The following QKI variants were observed in gnomAD, a reference collection of about 807,000 sequenced individuals.
QKI encodes QKI, KH domain containing RNA binding, also known as KH domain-containing RNA-binding protein QKI.
QKI carries 10 observed loss-of-function variants against 39.0 expected under a neutral mutation model. The ratio of observed to expected loss-of-function variants is 0.26; its 90% CI spans 0.16 to 0.43. The LOEUF (loss-of-function observed/expected upper bound fraction) is 0.43, where lower values mean the gene tolerates loss of function less well. Ranked by LOEUF, QKI falls within the 20% of genes least tolerant of loss-of-function variation. The probability of loss-of-function intolerance (pLI) is 1.00; values close to 1 mark genes in which losing one functional copy is unlikely to be tolerated. For missense variants in QKI, 218 were observed against 428.0 expected (o/e 0.51, Z 4.33); for synonymous variants, 204 against 155.4 (o/e 1.31, Z -2.33).
chr6:163,520,813 C>T (rs1007095491), intron 3 of QKI, among the ~76,000 whole-genome samples: 1 of 152,126 alleles, frequency 6.6e-6, no homozygotes, highest in Non-Finnish European at 1.5e-5. Context: ...TTAACTATCA[C>T]TTTTTATAGT....
chr6:163,493,731 T>A (rs942768044), intron 3 of QKI, among the ~76,000 whole-genome samples: 2 of 152,148 alleles, frequency 1.3e-5, no homozygotes, highest in South Asian at 4.1e-4. Flanking sequence ...AATTGGTTGG[T>A]TGAAAATGCA....
chr6:163,469,512 CAA>C (rs1355372008), intron 2 of QKI, among the ~76,000 whole-genome samples: 2 of 152,130 alleles, frequency 1.3e-5, no homozygotes, highest in African/African-American at 4.8e-5. Flanking sequence ...GCCAAGGTAA[CAA>C]ATATAGTAGA....
intron 3 of QKI, among the ~76,000 whole-genome samples, chr6:163,506,818 AATACT>A (rs2128233692): frequency 6.6e-6 from 1 of 152,304 alleles, no homozygotes; most frequent in South Asian, 2.1e-4. Flanking sequence ...TGAATTTATT[AATACT>A]ATTTTCATAC....
chr6:163,528,251 T>C (rs1014675713), intron 3 of QKI, among the ~76,000 whole-genome samples: 1 of 152,190 alleles, frequency 6.6e-6, no homozygotes. Context: ...CAAGATGTGC[T>C]TAGAATTCTA....
chr6:163,525,428 G>C (rs537229499), intron 3 of QKI, among the ~76,000 whole-genome samples: 1 of 151,536 alleles, frequency 6.6e-6, no homozygotes, highest in African/African-American at 2.4e-5. Context: ...GCACAGTCTT[G>C]CCTCACTGCA....
chr6:163,500,962 CACCCACATGTAGCTTCTGATAGAA>C (rs1242194530), intron 3 of QKI, among the ~76,000 whole-genome samples: 3 of 152,102 alleles, frequency 2.0e-5, no homozygotes, highest in Admixed American at 1.3e-4. Flanking sequence ...TCCATAGTAA[CACCCACATGTAGCTTCTGATAGAA>C]ACCCACAAAA....
At chr6:163,437,465 AAG>A (rs1205228682) in intron 1 of QKI, among the ~76,000 whole-genome samples, 1 of 152,204 alleles carries the variant, frequency 6.6e-6, no homozygotes, top group Non-Finnish European at 1.5e-5. Flanking sequence ...ACTTTTTAAA[AAG>A]AGTTTTTCTT....
chr6:163,437,455 A>C (rs566541449), intron 1 of QKI, among the ~76,000 whole-genome samples: 1 of 152,262 alleles, frequency 6.6e-6, no homozygotes, highest in South Asian at 2.1e-4. Flanking sequence ...GTGGTGATTT[A>C]CTTTTTAAAA....
intron 3 of QKI, among the ~76,000 whole-genome samples, chr6:163,524,856 A>C (rs953141783): frequency 5.9e-5 from 9 of 152,170 alleles, no homozygotes; most frequent in Non-Finnish European, 1.3e-4. Context: ...AGAGCTCTTA[A>C]ATGACGGGTA....
chr6:163,516,708 A>G (rs1256212825), intron 3 of QKI, among the ~76,000 whole-genome samples: 1 of 152,114 alleles, frequency 6.6e-6, no homozygotes, highest in African/African-American at 2.4e-5. Flanking sequence ...ACTATTTTCC[A>G]TATTTATTGG....
chr6:163,428,297 G>C (rs1042529034), intron 1 of QKI, among the ~76,000 whole-genome samples: 16 of 152,176 alleles, frequency 1.1e-4, no homozygotes, highest in African/African-American at 3.6e-4. Context: ...TTCTGAAATA[G>C]TTTCTGCCTT....
chr6:163,449,605 T>G (rs1207575022), intron 1 of QKI, among the ~76,000 whole-genome samples: 1 of 152,226 alleles, frequency 6.6e-6, no homozygotes, highest in Non-Finnish European at 1.5e-5. Flanking sequence ...AAGTAATTCT[T>G]TGGTGCATTT....
At chr6:163,451,039 T>TA (rs1344801221) in intron 1 of QKI, among the ~76,000 whole-genome samples, 1 of 152,178 alleles carries the variant, frequency 6.6e-6, no homozygotes, top group African/African-American at 2.4e-5. Flanking sequence ...TATTCATCCT[T>TA]AAAGAATAAA....
chr6:163,570,902 TTTTTTTTTTC>T lies in QKI; in HGVS notation c.*193_*202del. The stretch of plus-strand genomic sequence containing the variant: ...GTTGTCCTCCAACTCAGCTTTTTTT[TTTTTTTTTTC>T]CTGTTTGGGTGAAAGTGGTTCTAGA... On this transcript the variant is annotated 3_prime_UTR_variant, in exon 8 of 8. Transcript: ENST00000361752. The T allele has an allele frequency of 1.3e-6, 1 of 792,806 alleles. No homozygotes were observed. 49.1% of individuals were successfully genotyped at this position (792,806 alleles called of 1,614,324 possible).
intron 4 of QKI, among the ~76,000 whole-genome samples, chr6:163,561,308 G>C (rs1782988483): frequency 6.6e-6 from 1 of 152,122 alleles, no homozygotes. Context: ...GGAATATTCA[G>C]CAAAATGATA....
At chr6:163,564,402 T>C (rs1278628413) in intron 6 of QKI, 2 of 1,335,466 alleles carry the variant, frequency 1.5e-6, no homozygotes, top group Non-Finnish European at 1.9e-6. Flanking sequence ...GGTCCGTTGT[T>C]GACCAAAATG....
rs932505070 is a variant in QKI, at chr6:163,569,658, G to A, written c.1010-1036G>A. 3.0e-6 allele frequency: 3 copies of A among 1,000,742 alleles called. No individual in the cohort carries two copies. In the East Asian group the frequency reaches 3.3e-4, roughly 110 times the overall value. The allele number at this position is 1,000,742 out of a possible 1,614,324, so 62.0% of individuals were successfully genotyped here. A position where few individuals can be genotyped will look rare whatever the true frequency, so the allele number is the denominator to read the frequency against. On this transcript the variant is annotated intron_variant, in intron 7 of 7. Transcript: ENST00000361752. ...TTTATGTTTTACTGTAATTTTTAAA[G>A]TTTTTTTGTCCTTTTTGTTATTTTG...
chr6:163,442,041 T>C (rs1185816005), intron 1 of QKI, among the ~76,000 whole-genome samples: 2 of 152,186 alleles, frequency 1.3e-5, no homozygotes, highest in Non-Finnish European at 2.9e-5. Flanking sequence ...AATAAGATGT[T>C]ATTTGCCATT....
rs1777680188 is a variant in QKI, at chr6:163,578,029, A to G, written c.*7319A>G. The G allele has an allele frequency of 6.6e-6, 1 of 152,216 alleles. No homozygotes were observed. The highest frequency in any genetic ancestry group is 2.1e-4 in the South Asian group (1 of 4,824). 9.4% of individuals were successfully genotyped at this position (152,216 alleles called of 1,614,324 possible). A position where few individuals can be genotyped will look rare whatever the true frequency, so the allele number is the denominator to read the frequency against. The stretch of plus-strand genomic sequence containing the variant: ...AAGTTTGGCATCATATCTTCCCCAA[A>G]AAATGTTTATTAAAATTAGATTATT... On this transcript the variant is annotated 3_prime_UTR_variant, in exon 8 of 8. Coordinates refer to ENST00000361752, the MANE Select transcript of QKI (RefSeq NM_006775.3).
Sources: allele counts gnomAD v4.1 joint callset (sites outside exome capture counted in the v4.1 genomes callset), GRCh38; gene constraint gnomAD v4.1.1; transcripts MANE v1.5; gene names NCBI Gene and HGNC (gene_info 2026-07-23, HGNC 2026-07-21).